The following MAS1L variants were observed in gnomAD, a reference collection of about 807,000 sequenced individuals.
MAS1L encodes mas-related G protein-coupled receptor MRG.
For missense variants in MAS1L, 441 were observed against 460.1 expected, an observed-to-expected ratio of 0.96 and a Z score of 0.38; for synonymous variants, 160 against 182.9, an observed-to-expected ratio of 0.87 and a Z score of 1.01.
In MAS1L at chr6:29,487,524, C is replaced by A. The variant is rs749096549; in HGVS notation, c.379G>T (p.Ala127Ser). The A allele has an allele frequency of 6.2e-7, 1 of 1,614,144 alleles. No homozygotes were observed. The highest frequency in any genetic ancestry group is 8.5e-7 in the Non-Finnish European group (1 of 1,180,040). ...AADVIYLCCSAVGFLQVTLLT... is the reference protein window; with the variant it reads ...AADVIYLCCSSVGFLQVTLLT... Reference sequence around the variant, plus strand: ...AGAGTCACCTGTAAGAACCCCACTGCCGAGCAGCAAAGATAGATCACGTCA... The same window carrying A: ...AGAGTCACCTGTAAGAACCCCACTGACGAGCAGCAAAGATAGATCACGTCA... The change falls in exon 1 of 1, where the codon GCA becomes TCA. Residue 127 changes from alanine to serine, a missense_variant. Transcript: ENST00000377127.
In MAS1L at chr6:29,487,827, A is replaced by G. The variant is rs931731545; in HGVS notation, c.76T>C (p.Ser26Pro). The G allele has an allele frequency of 6.2e-7, 1 of 1,614,008 alleles. No individual in the cohort carries two copies. Among genetic ancestry groups the G allele is most frequent in the African/African-American group, 1.3e-5 (1 of 74,936 alleles). The change falls in exon 1 of 1, where the codon TCA becomes CCA. Residue 26 changes from serine to proline, a missense_variant. Coordinates refer to ENST00000377127, the MANE Select transcript of MAS1L (RefSeq NM_052967.2). ...TVFAESQISL[S>P]CSLCLHSGDQ... is the part of the protein sequence containing the mutation. ...CCACTGTGGAGACAAAGGCTACATG[A>G]GAGAGATATCTGTGACTCAGCAAAC...
chr6:29,487,205 G>C lies in MAS1L; in HGVS notation c.698C>G (p.Ala233Gly). ...CACACACATCACAAGTGAAAGGATAGCATGGAAGAGCCCAGAAAGCTTTAG... is the reference window on the plus strand; with the variant it reads ...CACACACATCACAAGTGAAAGGATACCATGGAAGAGCCCAGAAAGCTTTAG... ...IFLKLSGLFHAILSLVMCVSS... is the reference protein window; with the variant it reads ...IFLKLSGLFHGILSLVMCVSS... The change falls in exon 1 of 1, where the codon GCT (alanine) becomes GGT (glycine). Residue 233 changes from alanine (A) to glycine (G), a missense_variant. Physicochemically the swap from Ala to Gly is moderately conservative, Grantham distance 60. Coordinates refer to ENST00000377127, the MANE Select transcript of MAS1L (RefSeq NM_052967.2). 1 of 1,614,122 alleles carries C rather than the reference G, an allele frequency of 6.2e-7. No individual in the cohort carries two copies. Among genetic ancestry groups the C allele is most frequent in the Non-Finnish European group, 8.5e-7 (1 of 1,180,010 alleles).
chr6:29,486,855 C>T lies in MAS1L; in HGVS notation c.1048G>A (p.Ala350Thr), dbSNP rs1449320192. Reference sequence around the variant, plus strand: ...GGTTGCTCCATTGGGTCGATGCCAGCTGCCTTTTTGTTCCTCCCCACCTCT... The same window carrying T: ...GGTTGCTCCATTGGGTCGATGCCAGTTGCCTTTTTGTTCCTCCCCACCTCT... ...KPEVGRNKKAAGIDPMEQPHS... is the reference protein window; with the variant it reads ...KPEVGRNKKATGIDPMEQPHS... Residue 350 changes from alanine to threonine, a missense_variant, in exon 1 of 1, where the codon GCT (alanine) becomes ACT (threonine). Transcript: ENST00000377127. 1.9e-6 allele frequency: 3 copies of T among 1,614,188 alleles called. No homozygotes were observed. In the South Asian group the frequency reaches 3.3e-5, roughly 18 times the overall value.
chr6:29,487,810 G>A lies in MAS1L; in HGVS notation c.93C>T (p.Leu31=). 1 of 1,614,240 alleles carries A rather than the reference G, an allele frequency of 6.2e-7. No homozygotes were observed. Among genetic ancestry groups the A allele is most frequent in the Non-Finnish European group, 8.5e-7 (1 of 1,180,050 alleles). Residue 31 remains leucine (L), a synonymous_variant, in exon 1 of 1, where the codon CTC becomes CTT. Transcript: ENST00000377127. ...TCTGTGCCTCCTGGTCACCACTGTG[G>A]AGACAAAGGCTACATGAGAGAGATA... ...SQISLSCSLC[L]HSGDQEAQNP...
Position 29,487,149 on chromosome 6 carries a change from A to G in MAS1L, c.754T>C (p.Cys252Arg). The G allele has an allele frequency of 6.2e-7, 1 of 1,614,142 alleles. No individual in the cohort carries two copies. Among genetic ancestry groups the G allele is most frequent in the Non-Finnish European group, 8.5e-7 (1 of 1,180,014 alleles). The change falls in exon 1 of 1, where the codon TGC becomes CGC. Residue 252 changes from cysteine to arginine, a missense_variant. Cys to Arg is a radical substitution (Grantham distance 180). Transcript: ENST00000377127. ...GTGGCCTTTTGCTGCTGGGAGCAGC[A>G]CAGGAATCTAATGAGTAGAGTCAGA... ...SSLTLLIRFL[C>R]CSQQQKATRV... is the part of the protein sequence containing the mutation.
chr6:29,487,393 C>T lies in MAS1L; in HGVS notation c.510G>A (p.Glu170=). ...CLCLLVAIST[E]RCVCVLFPIW... ...TGGGGAAGAGGACACACACACACCG[C>T]TCTGTGCTGATGGCCACCAGGAGAC... Residue 170 remains glutamate (E), a synonymous_variant, in exon 1 of 1, where the codon GAG becomes GAA. Coordinates refer to ENST00000377127, the MANE Select transcript of MAS1L (RefSeq NM_052967.2). 6.2e-7 allele frequency: 1 copy of T among 1,613,986 alleles called. No homozygotes were observed. The highest frequency in any genetic ancestry group is 8.5e-7 in the Non-Finnish European group (1 of 1,180,020).
At position 29,486,814 on chromosome 6, in the gene MAS1L, A is replaced by G. The variant is rs767850234; in HGVS notation, c.1089T>C (p.His363=). ...GCTCCCTGGGAAGAAGGTTCTCCACATGCTGAGTAGAGTGTGGTTGCTCCA... is the reference window on the plus strand; with the variant it reads ...GCTCCCTGGGAAGAAGGTTCTCCACGTGCTGAGTAGAGTGTGGTTGCTCCA... ...DPMEQPHSTQ[H]VENLLPREHR... is the part of the protein sequence containing the mutation. The change falls in exon 1 of 1, where the codon CAT becomes CAC. Residue 363 remains histidine, a synonymous_variant. Transcript: ENST00000377127. 6.2e-7 allele frequency: 1 copy of G among 1,614,078 alleles called. No homozygotes were observed. The highest frequency in any genetic ancestry group is 2.2e-5 in the East Asian group (1 of 44,874).
rs762519562 is a variant in MAS1L, at chr6:29,487,337, G to T, written c.566C>A (p.Thr189Lys). The change falls in exon 1 of 1, where the codon ACA becomes AAA. Residue 189 changes from threonine (T) to lysine (K), a missense_variant. Physicochemically the swap from Thr to Lys is moderately conservative, Grantham distance 78. Coordinates refer to ENST00000377127, the MANE Select transcript of MAS1L (RefSeq NM_052967.2). ...GATGAGGGTGCAGACAACATTAGAT[G>T]TGTATTTTGGGCGGTGGCATCTGTA... The part of the protein sequence containing the change: ...IWYRCHRPKY[T>K]SNVVCTLIWG... The T allele has an allele frequency of 6.2e-7, 1 of 1,614,056 alleles. No homozygotes were observed. The highest frequency in any genetic ancestry group is 1.1e-5 in the South Asian group (1 of 91,084).
rs1789351268 is a variant in MAS1L, at chr6:29,487,239, C to T, written c.664G>A (p.Val222Ile). The change falls in exon 1 of 1, where the codon GTC becomes ATC. Residue 222 changes from valine (V) to isoleucine (I), a missense_variant. Val to Ile is a conservative substitution (Grantham distance 29). Transcript: ENST00000377127. ...AGCCCAGAAAGCTTTAGAAATATGACACATGCCTTTACATGTTTCCAGTAA... is the reference window on the plus strand; with the variant it reads ...AGCCCAGAAAGCTTTAGAAATATGATACATGCCTTTACATGTTTCCAGTAA... The part of the protein sequence containing the change: ...LTYWKHVKAC[V>I]IFLKLSGLFH... The T allele has an allele frequency of 8.1e-6, 13 of 1,614,126 alleles. No individual in the cohort carries two copies. The highest frequency in any genetic ancestry group is 1.1e-5 in the South Asian group (1 of 91,080).
rs1471255588 is a variant in MAS1L at position 29,487,810 on chromosome 6, G to T, written c.93C>A (p.Leu31=). 1 of 1,614,122 alleles carries T rather than the reference G, an allele frequency of 6.2e-7. No homozygotes were observed. The highest frequency in any genetic ancestry group is 8.5e-7 in the Non-Finnish European group (1 of 1,180,058). Residue 31 remains leucine, a synonymous_variant, in exon 1 of 1, where the codon CTC becomes CTA. Transcript: ENST00000377127. Reference sequence around the variant, plus strand: ...TCTGTGCCTCCTGGTCACCACTGTGGAGACAAAGGCTACATGAGAGAGATA... The same window carrying T: ...TCTGTGCCTCCTGGTCACCACTGTGTAGACAAAGGCTACATGAGAGAGATA... ...SQISLSCSLC[L]HSGDQEAQNP...
Position 29,487,478 on chromosome 6 carries a change from A to T in MAS1L, c.425T>A (p.Val142Glu). 8 of 1,614,206 alleles carry T rather than the reference A, an allele frequency of 5.0e-6. No individual in the cohort carries two copies. The highest frequency in any genetic ancestry group is 6.8e-6 in the Non-Finnish European group (8 of 1,180,034). Reference sequence around the variant, plus strand: ...GGCCAGGAAATCAGGGATAAAAAACACGACTCCATGATAAGTTAGCAGAGT... The same window carrying T: ...GGCCAGGAAATCAGGGATAAAAAACTCGACTCCATGATAAGTTAGCAGAGT... Reference protein sequence around the residue: ...QVTLLTYHGVVFFIPDFLAIL... With the variant: ...QVTLLTYHGVEFFIPDFLAIL... Residue 142 changes from valine to glutamate, a missense_variant, in exon 1 of 1, where the codon GTG becomes GAG. Coordinates refer to ENST00000377127, the MANE Select transcript of MAS1L (RefSeq NM_052967.2).
rs1789312371 is a variant in MAS1L at position 29,486,959 on chromosome 6, A to G, written c.944T>C (p.Phe315Ser). The G allele has an allele frequency of 6.2e-7, 1 of 1,614,194 alleles. No homozygotes were observed. ...INSSANPIIYFFVGSLRKKRL... is the reference protein window; with the variant it reads ...INSSANPIIYSFVGSLRKKRL... The stretch of plus-strand genomic sequence containing the variant: ...TTTCTTTCTGAGGCTCCCCACAAAG[A>G]AATAAATGATAGGGTTGGCGCTGCT... Residue 315 changes from phenylalanine to serine, a missense_variant, in exon 1 of 1, where the codon TTC (phenylalanine) becomes TCC (serine). By Grantham distance (155) the Phe-to-Ser change is radical. Coordinates refer to ENST00000377127, the MANE Select transcript of MAS1L (RefSeq NM_052967.2).
In MAS1L at chr6:29,486,918, G is replaced by C; in HGVS notation, c.985C>G (p.Leu329Val). 1 of 1,614,182 alleles carries C rather than the reference G, an allele frequency of 6.2e-7. No homozygotes were observed. The highest frequency in any genetic ancestry group is 8.5e-7 in the Non-Finnish European group (1 of 1,180,034). ...SLRKKRLKES[L>V]RVILQRALAD... ...AACGCCCGTTGGAGAATCACTCTGAGAGATTCCTTCAGCCTTTTCTTTCTG... is the reference window on the plus strand; with the variant it reads ...AACGCCCGTTGGAGAATCACTCTGACAGATTCCTTCAGCCTTTTCTTTCTG... The change falls in exon 1 of 1, where the codon CTC becomes GTC. Residue 329 changes from leucine (L) to valine (V), a missense_variant. Leu to Val is a conservative substitution (Grantham distance 32). Coordinates refer to ENST00000377127, the MANE Select transcript of MAS1L (RefSeq NM_052967.2).
chr6:29,487,396 T>C lies in MAS1L; in HGVS notation c.507A>G (p.Thr169=). The C allele has an allele frequency of 1.2e-6, 2 of 1,613,976 alleles. No individual in the cohort carries two copies. The highest frequency in any genetic ancestry group is 1.7e-6 in the Non-Finnish European group (2 of 1,180,032). Residue 169 remains threonine (T), a synonymous_variant, in exon 1 of 1, where the codon ACA becomes ACG. Transcript: ENST00000377127. Reference sequence around the variant, plus strand: ...GGAAGAGGACACACACACACCGCTCTGTGCTGATGGCCACCAGGAGACAGA... The same window carrying C: ...GGAAGAGGACACACACACACCGCTCCGTGCTGATGGCCACCAGGAGACAGA... ...VCLCLLVAIS[T]ERCVCVLFPI...
chr6:29,486,784 C>A lies in MAS1L; in HGVS notation c.1119G>T (p.Arg373Ser). The change falls in exon 1 of 1, where the codon AGG (arginine) becomes AGT (serine). Residue 373 changes from arginine to serine, a missense_variant. By Grantham distance (110) the Arg-to-Ser change is moderately radical. Transcript: ENST00000377127. Reference protein sequence around the residue: ...HVENLLPREHRVDVET With the variant: ...HVENLLPREHSVDVET ...TGGGAAATTATGTTTCCACATCGAC[C>A]CTGTGCTCCCTGGGAAGAAGGTTCT... The A allele has an allele frequency of 6.2e-7, 1 of 1,613,064 alleles. No homozygotes were observed. The highest frequency in any genetic ancestry group is 1.1e-5 in the South Asian group (1 of 90,780).
the MAS1L span, chr6:29,486,849 T>TGCCA: frequency 6.2e-7 from 1 of 1,614,202 alleles, no homozygotes; most frequent in African/African-American, 1.3e-5. Flanking sequence ...ATTGGGTCGA[T>TGCCA]GCCAGCTGCC....
Position 29,487,956 on chromosome 6 carries a change from T to G in MAS1L, c.-54A>C. On this transcript the variant is annotated 5_prime_UTR_variant, in exon 1 of 1. An upstream start codon of the reference 5' UTR is lost. Coordinates refer to ENST00000377127, the MANE Select transcript of MAS1L (RefSeq NM_052967.2). ...CATCACAGTCAGGAGCAGTGGTCCA[T>G]CTAGTGGTGTCCTCTGGCCTCAGAC... The G allele has an allele frequency of 3.3e-6, 5 of 1,531,434 alleles. No individual in the cohort carries two copies. The highest frequency in any genetic ancestry group is 4.4e-6 in the Non-Finnish European group (5 of 1,139,022). 94.9% of individuals were successfully genotyped at this position (1,531,434 alleles called of 1,614,324 possible). A position where few individuals can be genotyped will look rare whatever the true frequency, so the allele number is the denominator to read the frequency against.
chr6:29,487,188 T>C lies in MAS1L; in HGVS notation c.715A>G (p.Met239Val), dbSNP rs766125795. The change falls in exon 1 of 1, where the codon ATG becomes GTG. Residue 239 changes from methionine to valine, a missense_variant. Met to Val is a conservative substitution (Grantham distance 21). Transcript: ENST00000377127. ...GLFHAILSLV[M>V]CVSSLTLLIR... The stretch of plus-strand genomic sequence containing the variant: ...AGTAGAGTCAGACTCGACACACACA[T>C]CACAAGTGAAAGGATAGCATGGAAG... The C allele has an allele frequency of 1.2e-6, 2 of 1,613,976 alleles. No individual in the cohort carries two copies. Among genetic ancestry groups the C allele is most frequent in the Non-Finnish European group, 1.7e-6 (2 of 1,180,002 alleles).
At position 29,487,939 on chromosome 6, in the gene MAS1L, T is replaced by C. The variant is rs1789436041; in HGVS notation, c.-37A>G. 9 of 1,569,406 alleles carry C rather than the reference T, an allele frequency of 5.7e-6. No homozygotes were observed. In the South Asian group the frequency reaches 5.9e-5, roughly 10 times the overall value. On this transcript the variant is annotated 5_prime_UTR_variant, in exon 1 of 1. An upstream open reading frame in the 5' UTR loses its in-frame stop. Transcript: ENST00000377127. ...ACCTGAGTGGGCCACAACATCACAG[T>C]CAGGAGCAGTGGTCCATCTAGTGGT...
Sources: gnomAD v4.1 joint callset for allele counts on GRCh38, gnomAD v4.1.1 for gene constraint, MANE v1.5 for transcripts, NCBI Gene and HGNC (gene_info 2026-07-23, HGNC 2026-07-21) for gene names.